The following SLC25A36 variants were observed in gnomAD, a reference collection of about 807,000 sequenced individuals.
SLC25A36 encodes epididymis secretory sperm binding protein.
SLC25A36 carries 24 observed loss-of-function variants against 35.3 expected under a neutral mutation model. The observed-to-expected ratio is 0.68, with a 90% CI of 0.49 to 0.96. The LOEUF is 0.96. Among genes scored for constraint, SLC25A36 ranks in the 40% least tolerant of loss-of-function variants. The probability of loss-of-function intolerance (pLI) is 0.00; values close to 1 mark genes in which losing one functional copy is unlikely to be tolerated. For synonymous variants in SLC25A36, 141 were observed against 132.2 expected (o/e 1.07, Z -0.46); for missense variants, 294 against 381.1 (o/e 0.77, Z 1.90).
chr3:140,961,528 A>G (rs909938702), intron 3 of SLC25A36, among the ~76,000 whole-genome samples: 4 of 152,096 alleles, frequency 2.6e-5, no homozygotes, highest in Non-Finnish European at 5.9e-5. Context: ...TAAAATTAGA[A>G]TTTCTGGATA....
intron 1 of SLC25A36, 84 bp from the exon 2 acceptor site, chr3:140,956,443 C>T: frequency 7.6e-7 from 1 of 1,316,890 alleles, no homozygotes; most frequent in South Asian, 2.6e-5. Flanking sequence ...GCTCCAGGTA[C>T]CCATGTGGAT....
Position 140,973,723 on chromosome 3 carries a change from G to T in SLC25A36, c.460G>T (p.Gly154Trp). 1 of 1,463,516 alleles carries T rather than the reference G, an allele frequency of 6.8e-7. No homozygotes were observed. The allele number at this position is 1,463,516 out of a possible 1,614,324, so 90.7% of individuals were successfully genotyped here. ...TRLQLDARNR[G>W]ERRMGAFECV... ...TTTCTTTTTGCTTTTCAGGAACCGCGGGGAAAGGCGAATGGGTGCTTTTGA... is the reference window on the plus strand; with the variant it reads ...TTTCTTTTTGCTTTTCAGGAACCGCTGGGAAAGGCGAATGGGTGCTTTTGA... The change falls in exon 6 of 7, where the codon GGG (glycine) becomes TGG (tryptophan). Residue 154 changes from glycine to tryptophan, a missense_variant. Physicochemically the swap from Gly to Trp is radical, Grantham distance 184. Around this residue, in one of 2 missense-constraint regions of SLC25A36, gnomAD observed 185 missense variants for 201.5 expected, o/e 0.92. Coordinates refer to ENST00000324194, the MANE Select transcript of SLC25A36 (RefSeq NM_001104647.3).
At chr3:140,952,652 GATTAT>G (rs1262908655) in intron 1 of SLC25A36, among the ~76,000 whole-genome samples, 3 of 152,118 alleles carry the variant, frequency 2.0e-5, no homozygotes, top group South Asian at 2.1e-4. Context: ...GCTTTATGTG[GATTAT>G]ATTATATCAT....
At position 140,942,084 on chromosome 3, in the gene SLC25A36, G is replaced by T. The variant is rs1223147001; in HGVS notation, c.30G>T (p.Leu10=). MSQRDTLVH[L]FAGGCGGTVG... Reference sequence around the variant, plus strand: ...GCCAGAGGGACACGCTGGTGCATCTGTTTGCCGGAGGGTAAGGTCCTGGCG... The same window carrying T: ...GCCAGAGGGACACGCTGGTGCATCTTTTTGCCGGAGGGTAAGGTCCTGGCG... The change falls in exon 1 of 7, where the codon CTG becomes CTT. Residue 10 remains leucine, a synonymous_variant. Coordinates refer to ENST00000324194, the MANE Select transcript of SLC25A36 (RefSeq NM_001104647.3). 23 of 1,485,806 alleles carry T rather than the reference G, an allele frequency of 1.5e-5. No individual in the cohort carries two copies. The highest frequency in any genetic ancestry group is 1.9e-5 in the Non-Finnish European group (21 of 1,105,624). The allele number at this position is 1,485,806 out of a possible 1,614,324, so 92.0% of individuals were successfully genotyped here.
At chr3:140,972,605 C>T (rs976333715) in intron 5 of SLC25A36, 16 of 151,352 alleles carry the variant, frequency 1.1e-4, no homozygotes, top group East Asian at 7.8e-4. Flanking sequence ...CATGGAGACT[C>T]CATCTGTTAA....
In SLC25A36 at chr3:140,973,916, A is replaced by G. The variant is rs1934971048; in HGVS notation, c.653A>G (p.Glu218Gly). The change falls in exon 6 of 7, where the codon GAG becomes GGG. Residue 218 changes from glutamate to glycine, a missense_variant. Glu to Gly is a moderately conservative substitution (Grantham distance 98). Coordinates refer to ENST00000324194, the MANE Select transcript of SLC25A36 (RefSeq NM_001104647.3). ...GCTTCTACAATGGAAAATGATGAAG[A>G]GTCTGTGAAAGAAGCATCAGATTTT... ...KTASTMENDE[E>G]SVKEASDFVG... 1.2e-6 allele frequency: 2 copies of G among 1,611,720 alleles called. No homozygotes were observed. The highest frequency in any genetic ancestry group is 2.7e-5 in the African/African-American group (2 of 74,852).
At chr3:140,962,995 A>G in intron 3 of SLC25A36, 132 bp from the exon 4 acceptor site, 1 of 493,880 alleles carries the variant, frequency 2.0e-6, no homozygotes, top group Non-Finnish European at 3.4e-6. Context: ...TGTAAATCTA[A>G]TGTTACATGA....
chr3:140,959,059 A>C (rs1315774850), intron 2 of SLC25A36, among the ~76,000 whole-genome samples: 2 of 133,204 alleles, frequency 1.5e-5, no homozygotes, highest in African/African-American at 2.9e-5. Flanking sequence ...CTCTGTCTCC[A>C]GGCTGGAGTG....
chr3:140,942,034 G>C lies in SLC25A36; in HGVS notation c.-21G>C, dbSNP rs1188515706. ...AGATCCGCGTCCCGCCTCAGCGGCC[G>C]GAGGACATGCGGGAGAGAGAATGAG... On this transcript the variant is annotated 5_prime_UTR_variant, in exon 1 of 7. Transcript: ENST00000324194. 1.4e-6 allele frequency: 2 copies of C among 1,426,948 alleles called. No homozygotes were observed. Among genetic ancestry groups the C allele is most frequent in the Non-Finnish European group, 1.9e-6 (2 of 1,045,692 alleles). The allele number at this position is 1,426,948 out of a possible 1,614,324, so 88.4% of individuals were successfully genotyped here. A position where few individuals can be genotyped will look rare whatever the true frequency, so the allele number is the denominator to read the frequency against.
chr3:140,974,910 A>C (rs187231728), intron 6 of SLC25A36, among the ~76,000 whole-genome samples: 1 of 152,166 alleles, frequency 6.6e-6, no homozygotes, highest in Admixed American at 6.5e-5. Flanking sequence ...GAAGTTCCTG[A>C]CTTTTCTAAA....
At chr3:140,966,555 G>T in intron 4 of SLC25A36, 1 of 180,890 alleles carries the variant, frequency 5.5e-6, no homozygotes, top group Non-Finnish European at 1.2e-5. Flanking sequence ...TAGGCTGATT[G>T]TTAAAGGATA....
intron 1 of SLC25A36, 95 bp downstream of exon 1, chr3:140,942,190 G>A (rs946207076): frequency 1.5e-5 from 2 of 136,508 alleles, no homozygotes; most frequent in Admixed American, 7.5e-5. Context: ...GGGTGGGGGG[G>A]TGGGGGGGCG....
rs1192564104 is a variant in SLC25A36, at chr3:140,958,958, TTTTGTGTGTG to T, written c.207-503_207-494del. ...TATGCTATGTCATGAAAAAACAATG[TTTTGTGTGTG>T]TGTGTGTGTGTGTGTGTGTGTGTGT... On this transcript the variant is annotated intron_variant, in intron 2 of 6. Transcript: ENST00000324194. Among the ~76,000 whole-genome samples, 7 of 126,232 alleles carry T rather than the reference TTTTGTGTGTG, an allele frequency of 5.5e-5. No individual in the cohort carries two copies. In the East Asian group the frequency reaches 1.2e-3, roughly 22 times the overall value. 82.8% of individuals were successfully genotyped at this position (126,232 alleles called of 152,430 possible).
intron 1 of SLC25A36, among the ~76,000 whole-genome samples, chr3:140,946,378 G>C (rs886658963): frequency 1.3e-5 from 2 of 152,198 alleles, no homozygotes; most frequent in African/African-American, 2.4e-5. Flanking sequence ...CAGAATGATA[G>C]AGCCTTCTTA....
At position 140,979,703 on chromosome 3, in the gene SLC25A36, T is replaced by A. The variant is rs556647321; in HGVS notation, c.*3250T>A. On this transcript the variant is annotated 3_prime_UTR_variant, in exon 7 of 7. Coordinates refer to ENST00000324194, the MANE Select transcript of SLC25A36 (RefSeq NM_001104647.3). ...AACAAAATTCTGGTTTGACTCAGTT[T>A]TTGTGTTTATAAACTTTTGGAATGT... 3 of 152,300 alleles carry A rather than the reference T, an allele frequency of 2.0e-5. No individual in the cohort carries two copies. Among genetic ancestry groups the A allele is most frequent in the African/African-American group, 7.2e-5 (3 of 41,572 alleles). The allele number at this position is 152,300 out of a possible 1,614,324, so 9.4% of individuals were successfully genotyped here.
At chr3:140,968,146 C>A (rs1934810370) in intron 4 of SLC25A36, 3 of 958,710 alleles carry the variant, frequency 3.1e-6, no homozygotes, top group Non-Finnish European at 3.7e-6. Context: ...GGCTTCATTT[C>A]TTAGATTATT....
At chr3:140,965,263 C>G (rs1015018727) in intron 4 of SLC25A36, 1 of 151,574 alleles carries the variant, frequency 6.6e-6, no homozygotes, top group Non-Finnish European at 1.5e-5. Context: ...ATAATCTAGA[C>G]CAGATTACTC....
rs1934965952 is a variant in SLC25A36, at chr3:140,973,744, T to C, written c.481T>C (p.Phe161Leu). 2 of 1,546,256 alleles carry C rather than the reference T, an allele frequency of 1.3e-6. No individual in the cohort carries two copies. The highest frequency in any genetic ancestry group is 1.8e-6 in the Non-Finnish European group (2 of 1,139,252). Residue 161 changes from phenylalanine to leucine, a missense_variant, in exon 6 of 7, where the codon TTT (phenylalanine) becomes CTT (leucine). Physicochemically the swap from Phe to Leu is conservative, Grantham distance 22. Coordinates refer to ENST00000324194, the MANE Select transcript of SLC25A36 (RefSeq NM_001104647.3). Reference sequence around the variant, plus strand: ...CCGCGGGGAAAGGCGAATGGGTGCTTTTGAATGTGTTCGTAAAGTGTATCA... The same window carrying C: ...CCGCGGGGAAAGGCGAATGGGTGCTCTTGAATGTGTTCGTAAAGTGTATCA... ...RNRGERRMGA[F>L]ECVRKVYQTD...
chr3:140,961,111 C>T (rs16850926), intron 3 of SLC25A36, among the ~76,000 whole-genome samples: 3 of 151,990 alleles, frequency 2.0e-5, no homozygotes, highest in African/African-American at 7.2e-5. Flanking sequence ...TTATTTATTA[C>T]GTTTCAACTT....
Sources: allele counts gnomAD v4.1 joint callset (sites outside exome capture counted in the v4.1 genomes callset), GRCh38; gene constraint gnomAD v4.1.1; regional missense constraint gnomAD v4.1.1; transcripts MANE v1.5; gene names NCBI Gene and HGNC (gene_info 2026-07-23, HGNC 2026-07-21).